The following RTKN2 variants were observed in gnomAD, a reference collection of about 807,000 sequenced individuals.
RTKN2 encodes the protein rhotekin-2.
RTKN2 carries 69 observed loss-of-function variants against 71.5 expected under a neutral mutation model. The ratio of observed to expected loss-of-function variants is 0.96; its 90% CI spans 0.79 to 1.18. The LOEUF is 1.18. Among genes scored for constraint, RTKN2 ranks in the 50% most tolerant of loss-of-function variants. RTKN2 has a pLI of 0.00. For synonymous variants in RTKN2, 236 were observed against 236.5 expected, an observed-to-expected ratio of 1.00 and a Z score of 0.02; for missense variants, 724 against 719.7, an observed-to-expected ratio of 1.01 and a Z score of -0.07.
At chr10:62,188,531 C>A (rs970179177), downstream of RTKN2, among the ~76,000 whole-genome samples, 2 of 152,010 alleles carry the variant, frequency 1.3e-5, no homozygotes, top group Non-Finnish European at 2.9e-5. Context: ...AGTTCGTGAA[C>A]GTATTCTAAA....
At chr10:62,250,260 A>C (rs983183239) in intron 2 of RTKN2, among the ~76,000 whole-genome samples, 2 of 152,240 alleles carry the variant, frequency 1.3e-5, no homozygotes, top group African/African-American at 4.8e-5. Context: ...AAGGGCTCCA[A>C]AAGTACTTTG....
chr10:62,222,732 A>T (rs999500325), intron 7 of RTKN2, among the ~76,000 whole-genome samples: 33 of 152,162 alleles, frequency 2.2e-4, no homozygotes, highest in African/African-American at 7.5e-4. Flanking sequence ...AAATCTTCCT[A>T]ATGACCTAAA....
At chr10:62,229,212 T>C (rs796107676) in intron 6 of RTKN2, among the ~76,000 whole-genome samples, 3 of 152,296 alleles carry the variant, frequency 2.0e-5, no homozygotes, top group African/African-American at 7.2e-5. Flanking sequence ...AATTATGTAT[T>C]CTAAGCTAAG....
At chr10:62,237,462 A>G (rs902802811) in intron 5 of RTKN2, among the ~76,000 whole-genome samples, 3 of 152,068 alleles carry the variant, frequency 2.0e-5, no homozygotes, top group Non-Finnish European at 4.4e-5. Context: ...AACTAGGGCA[A>G]TCTTAACTCA....
chr10:62,257,969 A>G (rs1219811770), intron 2 of RTKN2, among the ~76,000 whole-genome samples: 1 of 152,246 alleles, frequency 6.6e-6, no homozygotes, highest in African/African-American at 2.4e-5. Flanking sequence ...TGGCTTGTTC[A>G]AGCATAAAGA....
intron 2 of RTKN2, among the ~76,000 whole-genome samples, chr10:62,250,182 TAGA>T (rs900394779): frequency 5.3e-5 from 8 of 152,178 alleles, no homozygotes; most frequent in Non-Finnish European, 8.8e-5. Context: ...GGATTTCCCC[TAGA>T]AGAAGTGTGA....
chr10:62,187,378 T>C (rs1350323475), intron 8 of RTKN2, among the ~76,000 whole-genome samples: 1 of 152,154 alleles, frequency 6.6e-6, no homozygotes, highest in East Asian at 1.9e-4. Flanking sequence ...TGGACACATG[T>C]AAATGAGGTT....
downstream of RTKN2, among the ~76,000 whole-genome samples, chr10:62,192,940 G>T (rs1479891897): frequency 6.6e-6 from 1 of 152,096 alleles, no homozygotes; most frequent in South Asian, 2.1e-4. Flanking sequence ...CACACTATGT[G>T]TATGAGTATG....
In RTKN2 at chr10:62,268,666, G is replaced by C; in HGVS notation, c.-56C>G. ...CTCCTTCAAAGGGAAGATTTGAAAA[G>C]CCCGCCCCTGGCAGGAGCCGCAGAG... On this transcript the variant is annotated 5_prime_UTR_variant, in exon 1 of 12. Coordinates refer to ENST00000373789, the MANE Select transcript of RTKN2 (RefSeq NM_145307.4). The C allele has an allele frequency of 6.6e-7, 1 of 1,517,384 alleles. No individual in the cohort carries two copies. The highest frequency in any genetic ancestry group is 8.9e-7 in the Non-Finnish European group (1 of 1,121,586). The allele number at this position is 1,517,384 out of a possible 1,614,324, so 94.0% of individuals were successfully genotyped here. A position where few individuals can be genotyped will look rare whatever the true frequency, so the allele number is the denominator to read the frequency against.
rs1479423883 is a variant in RTKN2 at position 62,197,932 on chromosome 10, T to C, written c.1806A>G (p.Arg602=). Residue 602 remains arginine, a synonymous_variant, in exon 12 of 12, where the codon AGA becomes AGG. Transcript: ENST00000373789. ...QKSIKDILDP[R]SWLQAQV ...TCTATACTTGTGCCTGCAGCCATGA[T>C]CTAGGGTCCAGAATGTCTTTGATGG... 1.9e-6 allele frequency: 3 copies of C among 1,613,608 alleles called. No individual in the cohort carries two copies. The highest frequency in any genetic ancestry group is 1.1e-5 in the South Asian group (1 of 91,018).
chr10:62,217,160 A>G lies in RTKN2; in HGVS notation c.978T>C (p.Ile326=). Residue 326 remains isoleucine, a synonymous_variant, in exon 9 of 12, where the codon ATT becomes ATC. Coordinates refer to ENST00000373789, the MANE Select transcript of RTKN2 (RefSeq NM_145307.4). The part of the protein sequence containing the change: ...KLYCFYSPEE[I]EAKVEPALVV... ...CCAAAGCTGGTTCCACTTTAGCTTC[A>G]ATTTCCTCTGGACTGTAAAAACAAT... 6.5e-7 allele frequency: 1 copy of G among 1,545,742 alleles called. No homozygotes were observed. The highest frequency in any genetic ancestry group is 8.7e-7 in the Non-Finnish European group (1 of 1,151,300).
chr10:62,205,885 T>C (rs932860683), intron 9 of RTKN2, among the ~76,000 whole-genome samples: 3 of 152,130 alleles, frequency 2.0e-5, no homozygotes, highest in African/African-American at 7.2e-5. Context: ...ACTAGAACTA[T>C]CTATTACACA....
intron 2 of RTKN2, among the ~76,000 whole-genome samples, chr10:62,257,978 G>T (rs151079010): frequency 6.6e-6 from 1 of 152,096 alleles, no homozygotes; most frequent in Non-Finnish European, 1.5e-5. Context: ...CAAGCATAAA[G>T]AACAGGCAAT....
Position 62,193,680 on chromosome 10 carries a change from A to T in RTKN2, c.*4228T>A. On this transcript the variant is annotated 3_prime_UTR_variant, in exon 12 of 12. Transcript: ENST00000373789. Reference sequence around the variant, plus strand: ...GAGGGAGGTACATTAAAATAAGGAGACTCCTTGTGGCTAGTAGCGACTGAA... The same window carrying T: ...GAGGGAGGTACATTAAAATAAGGAGTCTCCTTGTGGCTAGTAGCGACTGAA... 1.0e-6 allele frequency: 1 copy of T among 984,184 alleles called. No homozygotes were observed. The highest frequency in any genetic ancestry group is 1.8e-5 in the African/African-American group (1 of 57,110). The allele number at this position is 984,184 out of a possible 1,614,324, so 61.0% of individuals were successfully genotyped here. A position where few individuals can be genotyped will look rare whatever the true frequency, so the allele number is the denominator to read the frequency against.
chr10:62,215,976 TCAAAA>T lies in RTKN2; in HGVS notation c.1020+1137_1020+1141del, dbSNP rs1280595647. Among the ~76,000 whole-genome samples the T allele has an allele frequency of 4.6e-5, 7 of 152,102 alleles. No homozygotes were observed. In the South Asian group the frequency reaches 1.2e-3, roughly 27 times the overall value. ...ACTGATGTATTATGTCCTTGATTTG[TCAAAA>T]CAAAACAGTTTAAACAAAACAGTTA... On this transcript the variant is annotated intron_variant, in intron 9 of 11. Coordinates refer to ENST00000373789, the MANE Select transcript of RTKN2 (RefSeq NM_145307.4).
At chr10:62,250,654 G>C (rs1842563097) in intron 2 of RTKN2, among the ~76,000 whole-genome samples, 1 of 152,102 alleles carries the variant, frequency 6.6e-6, no homozygotes, top group Non-Finnish European at 1.5e-5. Flanking sequence ...TTTTGAGGAA[G>C]GGTCTCACTC....
chr10:62,244,664 TAATG>T (rs1842444497), intron 3 of RTKN2, among the ~76,000 whole-genome samples: 1 of 152,110 alleles, frequency 6.6e-6, no homozygotes, highest in African/African-American at 2.4e-5. Flanking sequence ...TTATTGCACA[TAATG>T]AACAATACCA....
chr10:62,188,569 C>T (rs1841171019), downstream of RTKN2, among the ~76,000 whole-genome samples: 1 of 152,070 alleles, frequency 6.6e-6, no homozygotes, highest in South Asian at 2.1e-4. Flanking sequence ...CCCCTTTGCT[C>T]ATTCTGTTCC....
At chr10:62,237,426 G>C (rs1391874522) in intron 5 of RTKN2, among the ~76,000 whole-genome samples, 1 of 151,816 alleles carries the variant, frequency 6.6e-6, no homozygotes, top group East Asian at 1.9e-4. Context: ...GAGAGTTACC[G>C]CAACTTTCAC....
Sources: allele counts gnomAD v4.1 joint callset (sites outside exome capture counted in the v4.1 genomes callset), GRCh38; gene constraint gnomAD v4.1.1; transcripts MANE v1.5; gene names NCBI Gene and HGNC (gene_info 2026-07-23, HGNC 2026-07-21).